MACROD1: variants seen among roughly 807,000 people sequenced by gnomAD.
The protein encoded by MACROD1 is ADP-ribose glycohydrolase MACROD1.
Under a neutral mutation model 41.4 loss-of-function variants are expected in MACROD1, and 31 were observed. The ratio of observed to expected loss-of-function variants is 0.75; its 90% confidence interval spans 0.56 to 1.01. The LOEUF (loss-of-function observed/expected upper bound fraction) is 1.01. Ranked by LOEUF, MACROD1 falls within the 50% of genes least tolerant of loss-of-function variation. MACROD1 has a pLI of 0.00. For synonymous variants in MACROD1, 252 were observed against 203.4 expected (o/e 1.24, Z -2.03); for missense variants, 473 against 460.0 (o/e 1.03, Z -0.26).
chr11:64,118,721 C>T (rs1277943039), intron 3 of MACROD1: 6 of 170,414 alleles, frequency 3.5e-5, no homozygotes, highest in Non-Finnish European at 8.5e-5. Flanking sequence ...AAAGCTCCCA[C>T]GCAGCTCTCC....
intron 3 of MACROD1, among the ~76,000 whole-genome samples, chr11:64,100,471 G>C (rs1184928006): frequency 6.6e-6 from 1 of 152,196 alleles, no homozygotes; most frequent in Non-Finnish European, 1.5e-5. Flanking sequence ...CTGTGGGAAC[G>C]GGGGAGGCCA....
At chr11:64,014,208 G>A (rs61884696) in intron 4 of MACROD1, among the ~76,000 whole-genome samples, 6,703 of 152,196 alleles carry the variant, frequency 0.044, 214 homozygotes, top group South Asian at 0.15. Context: ...CAAAAGGACA[G>A]GCTTCGGAAG....
At chr11:64,051,289 T>C (rs927041024) in intron 3 of MACROD1, among the ~76,000 whole-genome samples, 5 of 152,170 alleles carry the variant, frequency 3.3e-5, no homozygotes, top group African/African-American at 1.2e-4. Context: ...GGTCCCTCTT[T>C]TGAAGTAGCT....
At chr11:64,125,804 C>T (rs1330071490) in intron 3 of MACROD1, among the ~76,000 whole-genome samples, 1 of 152,224 alleles carries the variant, frequency 6.6e-6, no homozygotes, top group Non-Finnish European at 1.5e-5. Flanking sequence ...CCCACAGAGG[C>T]GCTGCAAGAA....
At chr11:64,139,728 G>A (rs575590973) in intron 3 of MACROD1, among the ~76,000 whole-genome samples, 2 of 151,672 alleles carry the variant, frequency 1.3e-5, no homozygotes, top group South Asian at 2.1e-4. Context: ...AGGTGGAGGC[G>A]GGCGGATCAC....
chr11:64,080,162 G>A (rs552654215), intron 3 of MACROD1, among the ~76,000 whole-genome samples: 10 of 152,246 alleles, frequency 6.6e-5, no homozygotes, highest in East Asian at 3.9e-4. Flanking sequence ...ACAGGCGTGC[G>A]CCACCATGCC....
chr11:64,048,192 GCTTGTGAGAGCCGGGGGC>G (rs1197715923), intron 3 of MACROD1, among the ~76,000 whole-genome samples: 1 of 152,240 alleles, frequency 6.6e-6, no homozygotes, highest in Non-Finnish European at 1.5e-5. Context: ...GACAGACAGG[GCTTGTGAGAGCCGGGGGC>G]CTTCGAGGAG....
At chr11:64,128,425 G>A (rs949025211) in intron 3 of MACROD1, among the ~76,000 whole-genome samples, 6 of 152,166 alleles carry the variant, frequency 3.9e-5, no homozygotes, top group African/African-American at 1.2e-4. Flanking sequence ...AGGAATCTAC[G>A]TGGCTGAGTC....
At chr11:64,094,621 G>C (rs1283065209) in intron 3 of MACROD1, among the ~76,000 whole-genome samples, 1 of 152,162 alleles carries the variant, frequency 6.6e-6, no homozygotes, top group African/African-American at 2.4e-5. Context: ...ATTGGGTCGC[G>C]TACGTCATGG....
chr11:64,076,446 A>C (rs534476715), intron 3 of MACROD1, among the ~76,000 whole-genome samples: 137 of 151,758 alleles, frequency 9.0e-4, no homozygotes, highest in African/African-American at 3.2e-3. Flanking sequence ...GGATGGATGG[A>C]TGGACGGATG....
In MACROD1 at chr11:64,165,680, C is replaced by T. The variant is rs1329500473; in HGVS notation, c.298+17G>A. The T allele has an allele frequency of 3.6e-6, 5 of 1,405,190 alleles. No individual in the cohort carries two copies. Among genetic ancestry groups the T allele is most frequent in the Non-Finnish European group, 4.7e-6 (5 of 1,073,998 alleles). The allele number at this position is 1,405,190 out of a possible 1,614,324, so 87.0% of individuals were successfully genotyped here. A position where few individuals can be genotyped will look rare whatever the true frequency, so the allele number is the denominator to read the frequency against. ...GAGGCCGCCCTCTCCCTCGCGCCCC[C>T]TCGTGCTTACACTTACATTTCGCCT... On this transcript the variant is annotated intron_variant, in intron 1 of 10. Coordinates refer to ENST00000255681, the MANE Select transcript of MACROD1 (RefSeq NM_014067.4).
At chr11:64,010,315 ATGTTGTTTGGGG>A (rs1333077252) in intron 4 of MACROD1, among the ~76,000 whole-genome samples, 4 of 54,674 alleles carry the variant, frequency 7.3e-5, no homozygotes, top group East Asian at 5.9e-4. Context: ...GTTGGCTGGT[ATGTTGTTTGGGG>A]TGTTGGTTGG....
intron 3 of MACROD1, among the ~76,000 whole-genome samples, chr11:64,068,534 A>G (rs1944046882): frequency 6.6e-6 from 1 of 152,234 alleles, no homozygotes; most frequent in African/African-American, 2.4e-5. Context: ...TCCCTTGCAC[A>G]TATTTACTGC....
intron 3 of MACROD1, among the ~76,000 whole-genome samples, chr11:64,043,323 G>GCT (rs2134392740): frequency 6.6e-6 from 1 of 152,340 alleles, no homozygotes; most frequent in Non-Finnish European, 1.5e-5. Context: ...GTACAGGCTA[G>GCT]CTTTCCGCCC....
chr11:64,007,645 C>T (rs562905747), intron 4 of MACROD1, among the ~76,000 whole-genome samples: 1 of 152,280 alleles, frequency 6.6e-6, no homozygotes, highest in South Asian at 2.1e-4. Flanking sequence ...CTGGTTCGGC[C>T]TCTGGACCCT....
At position 63,999,669 on chromosome 11, in the gene MACROD1, C is replaced by T. The variant is rs769801277; in HGVS notation, c.759G>A (p.Leu253=). ...CCGAGCGGAGCCGGTGCTCCAGCAG[C>T]AGGTCCAGACTGCTCAGGTAGCAGC... ...LRSCYLSSLD[L]LLEHRLRSVA... is the part of the protein sequence containing the mutation. Residue 253 remains leucine (L), a synonymous_variant, in exon 6 of 11, where the codon CTG becomes CTA. Transcript: ENST00000255681. The T allele has an allele frequency of 6.2e-7, 1 of 1,609,492 alleles. No homozygotes were observed. Among genetic ancestry groups the T allele is most frequent in the Non-Finnish European group, 8.5e-7 (1 of 1,179,062 alleles).
intron 3 of MACROD1, among the ~76,000 whole-genome samples, chr11:64,097,223 G>A (rs981663969): frequency 3.3e-5 from 5 of 152,230 alleles, no homozygotes; most frequent in African/African-American, 1.2e-4. Context: ...AAAGTACAGG[G>A]AGGGACTGCT....
chr11:64,096,933 C>G lies in MACROD1; in HGVS notation c.517+54306G>C, dbSNP rs1944587108. On this transcript the variant is annotated intron_variant, in intron 3 of 10. Coordinates refer to ENST00000255681, the MANE Select transcript of MACROD1 (RefSeq NM_014067.4). This position sits in a 1 kb window ranked among gnomAD's most constrained non-coding sequence, Gnocchi z 4.6. Reference sequence around the variant, plus strand: ...CTGGGTGCGAGTGGCCCTTGCTGGTCCCCCGCTCACCCACTCTCTCAGCGT... The same window carrying G: ...CTGGGTGCGAGTGGCCCTTGCTGGTGCCCCGCTCACCCACTCTCTCAGCGT... Among the ~76,000 whole-genome samples, 1 of 152,228 alleles carries G rather than the reference C, an allele frequency of 6.6e-6. No homozygotes were observed. The highest frequency in any genetic ancestry group is 1.5e-5 in the Non-Finnish European group (1 of 68,030).
chr11:64,079,254 G>A (rs1008398963), intron 3 of MACROD1, among the ~76,000 whole-genome samples: 2 of 152,104 alleles, frequency 1.3e-5, no homozygotes, highest in Non-Finnish European at 2.9e-5. Context: ...GGCTTGAGGG[G>A]TCACAGGGGC....
Sources: allele counts gnomAD v4.1 joint callset (sites outside exome capture counted in the v4.1 genomes callset), GRCh38; gene constraint gnomAD v4.1.1; non-coding constraint Gnocchi (gnomAD v3.1); transcripts MANE v1.5; gene names NCBI Gene and HGNC (gene_info 2026-07-23, HGNC 2026-07-21).